Variants in CDYL2 observed in about 807,000 individuals in gnomAD.
CDYL2 encodes chromodomain Y-like protein 2.
A neutral mutation model predicts 49.4 loss-of-function variants in CDYL2; 23 were observed. The ratio of observed to expected loss-of-function variants is 0.47; its 90% CI spans 0.34 to 0.66. The LOEUF (loss-of-function observed/expected upper bound fraction) is 0.66, where lower values mean the gene tolerates loss of function less well. Among genes scored for constraint, CDYL2 ranks in the 30% least tolerant of loss-of-function variants. The pLI, the probability that CDYL2 is intolerant of heterozygous loss-of-function variation, is 0.01. For synonymous variants in CDYL2, 360 were observed against 268.8 expected, an observed-to-expected ratio of 1.34 and a Z score of -3.32; for missense variants, 678 against 656.4, an observed-to-expected ratio of 1.03 and a Z score of -0.36.
intron 2 of CDYL2, among the ~76,000 whole-genome samples, chr16:80,651,661 T>A (rs151076530): frequency 6.6e-6 from 1 of 152,186 alleles, no homozygotes; most frequent in African/African-American, 2.4e-5. Flanking sequence ...AAAGAATCCA[T>A]CTGAATTATA....
At chr16:80,710,990 TCA>T (rs1237271085) in intron 1 of CDYL2, among the ~76,000 whole-genome samples, 3 of 152,242 alleles carry the variant, frequency 2.0e-5, no homozygotes, top group Non-Finnish European at 4.4e-5. Context: ...CTGGTAATCT[TCA>T]GTTTGTCACT....
chr16:80,693,020 G>T (rs568559015), intron 1 of CDYL2, among the ~76,000 whole-genome samples: 1 of 151,250 alleles, frequency 6.6e-6, no homozygotes, highest in Non-Finnish European at 1.5e-5. Flanking sequence ...CAATTTGGAA[G>T]AAACTCACAG....
intron 3 of CDYL2, among the ~76,000 whole-genome samples, chr16:80,625,989 T>C (rs1236532792): frequency 1.3e-5 from 2 of 152,110 alleles, no homozygotes; most frequent in Admixed American, 1.3e-4. Flanking sequence ...AAAACTGACC[T>C]GCAAGGAATA....
intron 1 of CDYL2, 21 bp downstream of exon 1, chr16:80,804,129 C>T: frequency 8.5e-7 from 1 of 1,171,984 alleles, no homozygotes; most frequent in South Asian, 1.9e-5. Context: ...GGGGCCGGCC[C>T]GCGCCCCCGC....
chr16:80,620,746 A>G lies in CDYL2; in HGVS notation c.1007+17T>C. ...CTACGCAGGACCCCAGGGTGTGTGA[A>G]AAGGAGCACAGCTCACCTGATGGCT... On this transcript the variant is annotated intron_variant, in intron 4 of 6. Coordinates refer to ENST00000570137, the MANE Select transcript of CDYL2 (RefSeq NM_152342.4). The G allele has an allele frequency of 6.4e-7, 1 of 1,565,914 alleles. No individual in the cohort carries two copies. Among genetic ancestry groups the G allele is most frequent in the Non-Finnish European group, 8.7e-7 (1 of 1,149,802 alleles).
chr16:80,797,994 G>C (rs545030077), intron 1 of CDYL2, among the ~76,000 whole-genome samples: 7 of 152,278 alleles, frequency 4.6e-5, no homozygotes, highest in Admixed American at 4.6e-4. Flanking sequence ...GAATTGTGCA[G>C]GGGTTTGTCT....
At chr16:80,706,135 C>G (rs1028886067) in intron 1 of CDYL2, among the ~76,000 whole-genome samples, 1 of 152,218 alleles carries the variant, frequency 6.6e-6, no homozygotes, top group African/African-American at 2.4e-5. Context: ...CACCTAATCC[C>G]CAGCCAAGTG....
chr16:80,766,827 C>T (rs528085947), intron 1 of CDYL2, among the ~76,000 whole-genome samples: 11 of 152,260 alleles, frequency 7.2e-5, no homozygotes, highest in African/African-American at 2.2e-4. Flanking sequence ...AAAGAAGTGT[C>T]GGCCACACAA....
intron 6 of CDYL2, 44 bp from the exon 7 acceptor site, chr16:80,604,590 T>G: frequency 6.2e-7 from 1 of 1,608,068 alleles, no homozygotes; most frequent in African/African-American, 1.3e-5. Context: ...CACCAGGGAC[T>G]CTGCTCCAGA....
intron 6 of CDYL2, among the ~76,000 whole-genome samples, chr16:80,605,252 T>C (rs905824900): frequency 6.6e-6 from 1 of 150,780 alleles, no homozygotes; most frequent in Non-Finnish European, 1.5e-5. Flanking sequence ...GTATTACGTA[T>C]ATACACATAT....
intron 1 of CDYL2, among the ~76,000 whole-genome samples, chr16:80,695,423 T>C (rs1426326699): frequency 1.3e-5 from 2 of 152,126 alleles, no homozygotes; most frequent in African/African-American, 2.4e-5. Context: ...TGAATGTAAA[T>C]GGATTAAATT....
At position 80,608,356 on chromosome 16, in the gene CDYL2, C is replaced by T. The variant is rs1480269684; in HGVS notation, c.1219-121G>A. The T allele has an allele frequency of 2.7e-6, 3 of 1,118,466 alleles. No individual in the cohort carries two copies. In the African/African-American group the frequency reaches 4.8e-5, roughly 18 times the overall value. The allele number at this position is 1,118,466 out of a possible 1,614,324, so 69.3% of individuals were successfully genotyped here. The stretch of plus-strand genomic sequence containing the variant: ...TGGAAGGCATCTTGCCTTCCAGATC[C>T]TTATCTTATTTTGGGGTCAGATAAG... On this transcript the variant is annotated intron_variant, in intron 5 of 6. Coordinates refer to ENST00000570137, the MANE Select transcript of CDYL2 (RefSeq NM_152342.4).
At chr16:80,766,797 G>A (rs893061689) in intron 1 of CDYL2, among the ~76,000 whole-genome samples, 1 of 152,184 alleles carries the variant, frequency 6.6e-6, no homozygotes, top group African/African-American at 2.4e-5. Flanking sequence ...ACAAAATGGA[G>A]AGTAGCATTT....
chr16:80,740,381 A>C (rs1275892133), intron 1 of CDYL2, among the ~76,000 whole-genome samples: 1 of 152,204 alleles, frequency 6.6e-6, no homozygotes, highest in African/African-American at 2.4e-5. Context: ...TATGTATTTG[A>C]GAACCATTTA....
intron 1 of CDYL2, among the ~76,000 whole-genome samples, chr16:80,693,659 T>C (rs1409225089): frequency 6.6e-6 from 1 of 152,142 alleles, no homozygotes; most frequent in Non-Finnish European, 1.5e-5. Context: ...TACATTCAGG[T>C]GCCAAGGACC....
At chr16:80,690,300 G>A (rs114999178) in intron 1 of CDYL2, among the ~76,000 whole-genome samples, 54 of 152,142 alleles carry the variant, frequency 3.5e-4, no homozygotes, top group African/African-American at 1.3e-3. Flanking sequence ...AGCCTGTAGA[G>A]ATGAGAAGGA....
chr16:80,742,898 AATGGATGG>A (rs370550416), intron 1 of CDYL2, among the ~76,000 whole-genome samples: 6 of 146,122 alleles, frequency 4.1e-5, no homozygotes, highest in Admixed American at 2.0e-4. Flanking sequence ...ATGGAAAAAG[AATGGATGG>A]ATGGATGGAT....
intron 2 of CDYL2, among the ~76,000 whole-genome samples, chr16:80,680,639 C>G (rs376805271): frequency 8.5e-5 from 13 of 152,308 alleles, no homozygotes; most frequent in African/African-American, 2.9e-4. Context: ...GTAGAAACTG[C>G]AAGCAAGGCA....
chr16:80,798,474 T>C (rs568655041), intron 1 of CDYL2, among the ~76,000 whole-genome samples: 1 of 152,264 alleles, frequency 6.6e-6, no homozygotes, highest in Non-Finnish European at 1.5e-5. Context: ...AAGACTTTTA[T>C]GATTATCTAC....
Sources: gnomAD v4.1 joint callset for allele counts (sites outside exome capture counted in the v4.1 genomes callset) on GRCh38, gnomAD v4.1.1 for gene constraint, MANE v1.5 for transcripts, NCBI Gene and HGNC (gene_info 2026-07-23, HGNC 2026-07-21) for gene names.